The following VMP1 variants were observed in gnomAD, a reference collection of about 807,000 sequenced individuals.
VMP1 encodes the protein vacuole membrane protein 1.
In VMP1, 11 loss-of-function variants were observed where a neutral mutation model predicts 56.0. That is an observed-to-expected ratio of 0.20 (90% CI 0.12 to 0.32). The LOEUF (loss-of-function observed/expected upper bound fraction) is 0.32. Ranked by LOEUF, VMP1 falls within the 10% of genes least tolerant of loss-of-function variation. The pLI is 1.00. For synonymous variants in VMP1, 149 were observed against 165.0 expected (o/e 0.90, Z 0.74); for missense variants, 296 against 490.3 (o/e 0.60, Z 3.74).
chr17:59,771,609 T>G lies in VMP1; in HGVS notation c.583-2145T>G, dbSNP rs1317069643. ...ACAGTGTTTTTTGGTTTTTTTGGTT[T>G]TTTTTTTTTTTTTTTTGAGACAGAG... On this transcript the variant is annotated intron_variant, in intron 6 of 11. Transcript: ENST00000262291. Among the ~76,000 whole-genome samples, 6 of 147,096 alleles carry G rather than the reference T, an allele frequency of 4.1e-5. No individual in the cohort carries two copies. The South Asian group carries it at 1.1e-3, about 27-fold the overall frequency.
intron 8 of VMP1, among the ~76,000 whole-genome samples, chr17:59,811,403 G>A (rs776632132): frequency 1.4e-4 from 21 of 152,068 alleles, no homozygotes; most frequent in Non-Finnish European, 2.4e-4. Context: ...CACACACACA[G>A]TGCCTTAGCC....
At chr17:59,826,363 A>G (rs1353402400) in intron 10 of VMP1, among the ~76,000 whole-genome samples, 1 of 152,222 alleles carries the variant, frequency 6.6e-6, no homozygotes, top group Admixed American at 6.5e-5. Flanking sequence ...TAGTAGCATG[A>G]TGAAAATTAA....
chr17:59,726,016 A>G (rs1029151245), intron 1 of VMP1, among the ~76,000 whole-genome samples: 1 of 152,192 alleles, frequency 6.6e-6, no homozygotes, highest in African/African-American at 2.4e-5. Flanking sequence ...GAGTTCAATT[A>G]TCAGTGTTTT....
intron 5 of VMP1, among the ~76,000 whole-genome samples, chr17:59,740,983 A>G (rs982340593): frequency 2.0e-5 from 3 of 152,162 alleles, no homozygotes; most frequent in African/African-American, 7.2e-5. Context: ...TGATCACTTG[A>G]GCCTAGGAGT....
chr17:59,770,261 A>G (rs2036375423), intron 6 of VMP1, among the ~76,000 whole-genome samples: 1 of 152,204 alleles, frequency 6.6e-6, no homozygotes, highest in African/African-American at 2.4e-5. Flanking sequence ...GGAGAAGTTC[A>G]TGTTTTGAGT....
At chr17:59,755,095 CTTCTTT>C (rs560421560) in intron 5 of VMP1, among the ~76,000 whole-genome samples, 22 of 149,526 alleles carry the variant, frequency 1.5e-4, no homozygotes, top group East Asian at 2.0e-4. Context: ...TGAAACATGC[CTTCTTT>C]TTCTTTTTCT....
chr17:59,817,120 A>G (rs529859564), intron 9 of VMP1, among the ~76,000 whole-genome samples: 1 of 150,524 alleles, frequency 6.6e-6, no homozygotes, highest in African/African-American at 2.4e-5. Flanking sequence ...AATACAAAAA[A>G]AAATTAGCTG....
intron 5 of VMP1, among the ~76,000 whole-genome samples, chr17:59,742,694 C>T (rs1346057416): frequency 1.3e-5 from 2 of 152,056 alleles, no homozygotes; most frequent in African/African-American, 4.8e-5. Flanking sequence ...CCAGGCCACA[C>T]AGCAGTAGGT....
chr17:59,792,293 G>T (rs2037260098), intron 7 of VMP1, among the ~76,000 whole-genome samples: 1 of 151,884 alleles, frequency 6.6e-6, no homozygotes, highest in African/African-American at 2.4e-5. Context: ...AAAAAAGATT[G>T]GTTCTACCTC....
chr17:59,838,242 G>T (rs545174483), intron 10 of VMP1, 53 bp from the exon 11 acceptor site: 1 of 1,508,208 alleles, frequency 6.6e-7, no homozygotes, highest in East Asian at 2.3e-5. Context: ...CGTTTTTCCT[G>T]CTTTTCTTCC....
intron 5 of VMP1, among the ~76,000 whole-genome samples, chr17:59,745,504 T>G (rs1453400281): frequency 1.3e-5 from 2 of 152,224 alleles, no homozygotes; most frequent in African/African-American, 4.8e-5. Context: ...TAGAAACAAT[T>G]TCAAATAATC....
intron 1 of VMP1, among the ~76,000 whole-genome samples, chr17:59,710,008 T>C (rs1312668051): frequency 1.3e-5 from 2 of 152,086 alleles, no homozygotes; most frequent in Non-Finnish European, 2.9e-5. Flanking sequence ...CAATCCTGGC[T>C]AATACAGTGA....
intron 10 of VMP1, among the ~76,000 whole-genome samples, chr17:59,821,415 T>C (rs1462640620): frequency 6.6e-6 from 1 of 152,202 alleles, no homozygotes; most frequent in East Asian, 1.9e-4. Context: ...GGATTCAGAT[T>C]TGTATTGAAT....
intron 1 of VMP1, among the ~76,000 whole-genome samples, chr17:59,725,464 G>T (rs867544543): frequency 1.3e-5 from 2 of 150,892 alleles, no homozygotes; most frequent in Non-Finnish European, 2.9e-5. Context: ...GTTTTTATAA[G>T]CTTAACTATT....
chr17:59,767,953 A>G (rs1205546208), intron 6 of VMP1, among the ~76,000 whole-genome samples: 2 of 151,042 alleles, frequency 1.3e-5, no homozygotes. Context: ...TACTAAAAAT[A>G]CAAAAAATTA....
rs569282200 is a variant in VMP1 at position 59,773,644 on chromosome 17, A to G, written c.583-110A>G. ...TATGTAGCATATGCTTTCCCCCAAT[A>G]TATTGCATCTCAAAATGCTTCTGGT... On this transcript the variant is annotated intron_variant, in intron 6 of 11. Coordinates refer to ENST00000262291, the MANE Select transcript of VMP1 (RefSeq NM_030938.5). 45 of 1,073,004 alleles carry G rather than the reference A, an allele frequency of 4.2e-5. 1 individual carries two copies. The South Asian group carries it at 7.9e-4, about 19-fold the overall frequency. The allele number at this position is 1,073,004 out of a possible 1,614,324, so 66.5% of individuals were successfully genotyped here. A position where few individuals can be genotyped will look rare whatever the true frequency, so the allele number is the denominator to read the frequency against.
At chr17:59,808,235 A>T (rs1031644210) in intron 7 of VMP1, among the ~76,000 whole-genome samples, 2 of 152,232 alleles carry the variant, frequency 1.3e-5, no homozygotes, top group African/African-American at 2.4e-5. Flanking sequence ...TAGATTGGTT[A>T]TAATAATATC....
At chr17:59,713,901 C>A (rs529672992) in intron 1 of VMP1, among the ~76,000 whole-genome samples, 1 of 151,022 alleles carries the variant, frequency 6.6e-6, no homozygotes, top group Non-Finnish European at 1.5e-5. Context: ...ATTAGCTGGG[C>A]GTGGTGGTGG....
At chr17:59,765,883 C>T (rs1317436260) in intron 6 of VMP1, among the ~76,000 whole-genome samples, 2 of 151,394 alleles carry the variant, frequency 1.3e-5, no homozygotes, top group Admixed American at 6.6e-5. Flanking sequence ...TATTTCTATA[C>T]CTGATAAACT....
Sources: gnomAD v4.1 joint callset for allele counts (sites outside exome capture counted in the v4.1 genomes callset) on GRCh38, gnomAD v4.1.1 for gene constraint, MANE v1.5 for transcripts, NCBI Gene and HGNC (gene_info 2026-07-23, HGNC 2026-07-21) for gene names.